Variants in SCNN1B observed in about 807,000 individuals in gnomAD.
SCNN1B encodes epithelial sodium channel subunit beta.
In SCNN1B, 46 loss-of-function variants were observed where a neutral mutation model predicts 65.3. The observed-to-expected ratio is 0.70, with a 90% CI of 0.56 to 0.90. SCNN1B has a LOEUF of 0.90. Ranked by LOEUF, SCNN1B falls within the 40% of genes least tolerant of loss-of-function variation. The pLI is 0.00. For synonymous variants in SCNN1B, 349 were observed against 330.6 expected (o/e 1.06, Z -0.60); for missense variants, 751 against 830.5 (o/e 0.90, Z 1.18).
At chr16:23,370,017 G>A (rs530010421) in intron 5 of SCNN1B, among the ~76,000 whole-genome samples, 25 of 152,266 alleles carry the variant, frequency 1.6e-4, no homozygotes, top group Admixed American at 6.5e-4. Flanking sequence ...TGCAACCTCC[G>A]CCTCCTGGGT....
chr16:23,298,706 T>C (rs1017162081), upstream of SCNN1B, among the ~76,000 whole-genome samples: 1 of 152,196 alleles, frequency 6.6e-6, no homozygotes, highest in Non-Finnish European at 1.5e-5. Flanking sequence ...CTGTAGACCC[T>C]AATAAAAAGG....
chr16:23,299,700 G>A (rs1961046903), upstream of SCNN1B, among the ~76,000 whole-genome samples: 1 of 152,212 alleles, frequency 6.6e-6, no homozygotes, highest in African/African-American at 2.4e-5. Context: ...AACAGATGCT[G>A]GAGAGGATGT....
chr16:23,333,278 T>C (rs987700138), intron 1 of SCNN1B, among the ~76,000 whole-genome samples: 4 of 152,174 alleles, frequency 2.6e-5, no homozygotes, highest in Non-Finnish European at 5.9e-5. Flanking sequence ...TAGGTTTAGG[T>C]GCAGCTGTTT....
chr16:23,298,952 TA>T (rs1961034929), upstream of SCNN1B, among the ~76,000 whole-genome samples: 1 of 152,066 alleles, frequency 6.6e-6, no homozygotes, highest in Admixed American at 6.6e-5. Flanking sequence ...GGACTCATTC[TA>T]AAACTGTCCA....
At position 23,380,642 on chromosome 16, in the gene SCNN1B, T is replaced by C. The variant is rs762486495; in HGVS notation, c.1764T>C (p.Phe588=). The C allele has an allele frequency of 1.1e-4, 172 of 1,613,340 alleles. 1 individual carries two copies. Among genetic ancestry groups the C allele is most frequent in the Admixed American group, 9.8e-4 (59 of 59,974 alleles). ...VAELVEAHTN[F]GFQPDTAPRS... Reference sequence around the variant, plus strand: ...AGCTGGTGGAGGCCCACACCAACTTTGGCTTCCAGCCTGACACGGCCCCCC... The same window carrying C: ...AGCTGGTGGAGGCCCACACCAACTTCGGCTTCCAGCCTGACACGGCCCCCC... The change falls in exon 13 of 13, where the codon TTT becomes TTC. Residue 588 remains phenylalanine (F), a synonymous_variant. Transcript: ENST00000343070. This position sits in a 1 kb window ranked among gnomAD's most constrained non-coding sequence, Gnocchi z 5.4.
intron 1 of SCNN1B, among the ~76,000 whole-genome samples, chr16:23,341,288 C>G (rs766652520): frequency 6.6e-6 from 1 of 152,000 alleles, no homozygotes; most frequent in Non-Finnish European, 1.5e-5. Flanking sequence ...CTATCTCACA[C>G]TATATATGTA....
chr16:23,313,644 G>A (rs985097623), intron 1 of SCNN1B, among the ~76,000 whole-genome samples: 43 of 152,214 alleles, frequency 2.8e-4, no homozygotes, highest in African/African-American at 8.7e-4. Flanking sequence ...ATGGAGTCTC[G>A]CTCTTTCACC....
chr16:23,357,861 C>A (rs1052929693), intron 4 of SCNN1B, among the ~76,000 whole-genome samples: 1 of 152,212 alleles, frequency 6.6e-6, no homozygotes, highest in African/African-American at 2.4e-5. Context: ...GCCAACCACA[C>A]CTGCCATAAG....
intron 1 of SCNN1B, among the ~76,000 whole-genome samples, chr16:23,338,689 C>A (rs978207791): frequency 1.3e-5 from 2 of 152,118 alleles, no homozygotes; most frequent in African/African-American, 4.8e-5. Context: ...TTGGGGTGAG[C>A]TGGGAACACA....
intron 1 of SCNN1B, among the ~76,000 whole-genome samples, chr16:23,336,109 C>T (rs1015826739): frequency 2.6e-5 from 4 of 152,228 alleles, no homozygotes; most frequent in East Asian, 1.9e-4. Flanking sequence ...GAGAGGTGGC[C>T]GGAAGCCAGG....
Position 23,348,494 on chromosome 16 carries a change from C to A in SCNN1B, c.-8-98C>A. ...GGGGAGGGTAAAGAGGGAGGAAGAA[C>A]GGGGACGTACCGCCGCCCAGTTCCT... On this transcript the variant is annotated intron_variant, in intron 1 of 12. Transcript: ENST00000343070. The surrounding 1 kb of genome is among the most constrained non-coding windows in gnomAD (Gnocchi z 4.5). 1 of 1,085,320 alleles carries A rather than the reference C, an allele frequency of 9.2e-7. No individual in the cohort carries two copies. Among genetic ancestry groups the A allele is most frequent in the Non-Finnish European group, 1.4e-6 (1 of 737,116 alleles). The allele number at this position is 1,085,320 out of a possible 1,614,324, so 67.2% of individuals were successfully genotyped here. A position where few individuals can be genotyped will look rare whatever the true frequency, so the allele number is the denominator to read the frequency against.
chr16:23,312,382 G>C (rs774381065), intron 1 of SCNN1B, among the ~76,000 whole-genome samples: 14 of 152,158 alleles, frequency 9.2e-5, no homozygotes, highest in Non-Finnish European at 1.8e-4. Context: ...GCAGACTGGA[G>C]TTGGAGCTCA....
At chr16:23,372,902 C>T (rs1596884202) in intron 7 of SCNN1B, among the ~76,000 whole-genome samples, 4 of 150,028 alleles carry the variant, frequency 2.7e-5, no homozygotes, top group Admixed American at 6.7e-5. Flanking sequence ...AAGTTCAAGA[C>T]CAGCCTGGCC....
upstream of SCNN1B, among the ~76,000 whole-genome samples, chr16:23,299,023 C>T (rs1025062985): frequency 6.7e-6 from 1 of 150,358 alleles, no homozygotes; most frequent in Non-Finnish European, 1.5e-5. Flanking sequence ...TATGAAATTG[C>T]TATGTTCTTT....
chr16:23,371,323 G>A lies in SCNN1B; in HGVS notation c.905G>A (p.Gly302Asp), dbSNP rs201115205. The change falls in exon 6 of 13, where the codon GGC becomes GAC. Residue 302 changes from glycine (G) to aspartate (D), a missense_variant. Gly to Asp is a moderately conservative substitution (Grantham distance 94, BLOSUM62 -1). Coordinates refer to ENST00000343070, the MANE Select transcript of SCNN1B (RefSeq NM_000336.3). Reference protein sequence around the residue: ...EFGLKLILDIGQEDYVPFLAS... With the variant: ...EFGLKLILDIDQEDYVPFLAS... ...GGCCTGAAGTTGATCCTGGACATAG[G>A]CCAGGAAGACTACGTCCCCTTCCTT... 7 of 1,614,106 alleles carry A rather than the reference G, an allele frequency of 4.3e-6. No individual in the cohort carries two copies. The East Asian group carries it at 1.3e-4, about 31-fold the overall frequency.
intron 3 of SCNN1B, chr16:23,353,354 G>A (rs942008505): frequency 2.2e-5 from 11 of 496,508 alleles, no homozygotes; most frequent in Non-Finnish European, 4.0e-5. Flanking sequence ...ATTCAGGCAA[G>A]GCTGGATCCA....
chr16:23,344,420 C>T (rs1318843779), intron 1 of SCNN1B, among the ~76,000 whole-genome samples: 2 of 152,214 alleles, frequency 1.3e-5, no homozygotes, highest in Admixed American at 6.5e-5. Context: ...TCTACAACTA[C>T]CTATTGGAAC....
At chr16:23,373,648 G>C (rs1013079794) in intron 7 of SCNN1B, among the ~76,000 whole-genome samples, 1 of 152,102 alleles carries the variant, frequency 6.6e-6, no homozygotes, top group African/African-American at 2.4e-5. Flanking sequence ...TAACAAGAGG[G>C]CAGCCCAGTG....
chr16:23,306,544 G>C (rs1405015244), intron 1 of SCNN1B, among the ~76,000 whole-genome samples: 1 of 103,762 alleles, frequency 9.6e-6, no homozygotes, highest in East Asian at 2.9e-4. Context: ...GTAAGGGAGG[G>C]AGAAGGAAGG....
Sources: gnomAD v4.1 joint callset for allele counts (sites outside exome capture counted in the v4.1 genomes callset) on GRCh38, gnomAD v4.1.1 for gene constraint, Gnocchi (gnomAD v3.1) non-coding constraint, MANE v1.5 for transcripts, NCBI Gene and HGNC (gene_info 2026-07-23, HGNC 2026-07-21) for gene names.